PRDM1: variants seen among roughly 807,000 people sequenced by gnomAD.
The protein encoded by PRDM1 is PR domain zinc finger protein 1.
PRDM1 carries 13 observed loss-of-function variants against 62.8 expected under a neutral mutation model. The observed-to-expected ratio is 0.21, with a 90% CI of 0.13 to 0.33. The LOEUF is 0.33. PRDM1 is among the 10% of genes least tolerant of loss of function. The pLI is 1.00. For synonymous variants in PRDM1, 396 were observed against 417.6 expected, an observed-to-expected ratio of 0.95 and a Z score of 0.63; for missense variants, 895 against 1,058.8, an observed-to-expected ratio of 0.85 and a Z score of 2.15.
At chr6:106,044,098 T>G (rs146797893), upstream of PRDM1, among the ~76,000 whole-genome samples, 894 of 152,308 alleles carry the variant, frequency 5.9e-3, 13 homozygotes, top group African/African-American at 0.02. Context: ...TTAAAGTTAC[T>G]ACTGGCTTTA....
At chr6:106,094,391 A>G (rs1055079056) in intron 2 of PRDM1, among the ~76,000 whole-genome samples, 4 of 152,242 alleles carry the variant, frequency 2.6e-5, no homozygotes, top group African/African-American at 9.6e-5. Context: ...GACTACTCAC[A>G]GAGGAGTTCT....
chr6:106,020,675 A>T (rs77676351), intron 1 of PRDM1, among the ~76,000 whole-genome samples: 2,138 of 152,152 alleles, frequency 0.014, 59 homozygotes, highest in African/African-American at 0.047. Context: ...TTTTTCCCCT[A>T]TACTTCATGG....
chr6:106,079,807 A>G (rs1054130470), intron 1 of PRDM1, among the ~76,000 whole-genome samples: 1 of 152,206 alleles, frequency 6.6e-6, no homozygotes, highest in Admixed American at 6.5e-5. Context: ...CAAAACAAAC[A>G]AACAACAAAA....
At chr6:105,999,806 T>C (rs1027434076) in intron 1 of PRDM1, among the ~76,000 whole-genome samples, 11 of 152,096 alleles carry the variant, frequency 7.2e-5, no homozygotes, top group Admixed American at 2.0e-4. Flanking sequence ...AATTTCAGAG[T>C]ATTTTAAGTT....
chr6:106,048,663 A>G (rs1426894036), exon 1 of PRDM1, among the ~76,000 whole-genome samples: 2 of 152,166 alleles, frequency 1.3e-5, no homozygotes, highest in African/African-American at 2.4e-5. Context: ...TGGTCAGCAC[A>G]GGGTCTTATC....
chr6:106,076,564 G>A (rs1241906411), intron 1 of PRDM1, among the ~76,000 whole-genome samples: 1 of 152,070 alleles, frequency 6.6e-6, no homozygotes, highest in Non-Finnish European at 1.5e-5. Context: ...AAACTATGTA[G>A]CACTAGAAAA....
chr6:106,030,787 T>C (rs1407603609), intron 1 of PRDM1, among the ~76,000 whole-genome samples: 1 of 152,206 alleles, frequency 6.6e-6, no homozygotes, highest in Non-Finnish European at 1.5e-5. Context: ...AAAAAGACTT[T>C]CCATTCCCCC....
Position 106,105,014 on chromosome 6 carries a change from G to T in PRDM1, c.854G>T (p.Arg285Ile), listed in dbSNP as rs1160590241. 7 of 1,614,122 alleles carry T rather than the reference G, an allele frequency of 4.3e-6. No individual in the cohort carries two copies. The highest frequency in any genetic ancestry group is 5.9e-6 in the Non-Finnish European group (7 of 1,180,012). The change falls in exon 5 of 7, where the codon AGA becomes ATA. Residue 285 changes from arginine (R) to isoleucine (I), a missense_variant. By Grantham distance (97) the Arg-to-Ile change is moderately conservative (BLOSUM62 -3). Around this residue, in one of 4 missense-constraint regions of PRDM1, gnomAD observed 444 missense variants for 422.7 expected, o/e 1.05. Coordinates refer to ENST00000369096, the MANE Select transcript of PRDM1 (RefSeq NM_001198.4). ...TSEKDLDDFR[R>I]RGSPEMPFYP... Reference sequence around the variant, plus strand: ...GAAAAGGACCTCGATGACTTTAGAAGACGTGGGAGCCCCGAAATGCCCTTC... The same window carrying T: ...GAAAAGGACCTCGATGACTTTAGAATACGTGGGAGCCCCGAAATGCCCTTC...
intron 1 of PRDM1, among the ~76,000 whole-genome samples, chr6:106,036,881 A>G (rs1442821084): frequency 1.3e-5 from 2 of 152,114 alleles, no homozygotes; most frequent in Non-Finnish European, 2.9e-5. Flanking sequence ...TAGCACAATC[A>G]TAGCTCACTG....
chr6:106,107,412 T>C lies in PRDM1; in HGVS notation c.2404T>C (p.Leu802=). The stretch of plus-strand genomic sequence containing the variant: ...GTCATCAGATCTACCCCTCATGAAG[T>C]TGCCTCCCAGCAACCCACTACCTCT... ...YESSDLPLMK[L]PPSNPLPLVP... is the part of the protein sequence containing the mutation. Residue 802 remains leucine, a synonymous_variant, in exon 7 of 7, where the codon TTG becomes CTG. Transcript: ENST00000369096. 6.2e-7 allele frequency: 1 copy of C among 1,614,058 alleles called. No homozygotes were observed. Among genetic ancestry groups the C allele is most frequent in the South Asian group, 1.1e-5 (1 of 91,074 alleles).
chr6:106,095,495 T>G (rs1774089043), intron 2 of PRDM1, 120 bp from the exon 3 acceptor site: 1 of 1,150,210 alleles, frequency 8.7e-7, no homozygotes, highest in Non-Finnish European at 1.2e-6. Context: ...GTCTGTTTAC[T>G]TATCAAAATT....
At chr6:106,052,203 G>T (rs1349912680) in intron 1 of PRDM1, among the ~76,000 whole-genome samples, 1 of 10,066 alleles carries the variant, frequency 9.9e-5, no homozygotes, top group African/African-American at 4.2e-4. Flanking sequence ...CCACAATAAA[G>T]AAATATTCAA....
upstream of PRDM1, among the ~76,000 whole-genome samples, chr6:106,083,822 G>C (rs1292091447): frequency 6.6e-6 from 1 of 152,192 alleles, no homozygotes; most frequent in Non-Finnish European, 1.5e-5. Context: ...AACCCTTTGA[G>C]ACATAAGATT....
chr6:106,077,935 A>G (rs903921794), intron 1 of PRDM1, among the ~76,000 whole-genome samples: 2 of 152,256 alleles, frequency 1.3e-5, no homozygotes, highest in African/African-American at 4.8e-5. Context: ...CATTGAGTTA[A>G]GCAGTGAGGT....
At chr6:106,101,522 G>A (rs750553666) in intron 4 of PRDM1, among the ~76,000 whole-genome samples, 1 of 152,144 alleles carries the variant, frequency 6.6e-6, no homozygotes, top group Non-Finnish European at 1.5e-5. Context: ...TTTTCTAAAT[G>A]GTGGTTTAAC....
Position 106,106,607 on chromosome 6 carries a change from G to T in PRDM1, c.1902+108G>T. 2 of 1,468,694 alleles carry T rather than the reference G, an allele frequency of 1.4e-6. No homozygotes were observed. Among genetic ancestry groups the T allele is most frequent in the South Asian group, 1.3e-5 (1 of 78,436 alleles). 91.0% of individuals were successfully genotyped at this position (1,468,694 alleles called of 1,614,324 possible). Reference sequence around the variant, plus strand: ...AGTTAAAGCCAACACCAGATTCTGCGTTGTCCCATCCTGGACTGATGGCAC... The same window carrying T: ...AGTTAAAGCCAACACCAGATTCTGCTTTGTCCCATCCTGGACTGATGGCAC... On this transcript the variant is annotated intron_variant, in intron 6 of 6. Coordinates refer to ENST00000369096, the MANE Select transcript of PRDM1 (RefSeq NM_001198.4). The surrounding 1 kb of genome is among the most constrained non-coding windows in gnomAD (Gnocchi z 4.4).
intron 1 of PRDM1, among the ~76,000 whole-genome samples, chr6:106,024,835 T>A (rs2114562129): frequency 1.3e-5 from 2 of 152,232 alleles, no homozygotes; most frequent in East Asian, 3.9e-4. Flanking sequence ...TCCTTAGCCA[T>A]CAGATTTGAA....
upstream of PRDM1, among the ~76,000 whole-genome samples, chr6:106,083,617 G>A (rs1432619284): frequency 6.6e-6 from 1 of 152,122 alleles, no homozygotes; most frequent in South Asian, 2.1e-4. Context: ...TGCCATCCAC[G>A]GGAATAGATG....
At chr6:106,044,872 C>T (rs754197867), upstream of PRDM1, among the ~76,000 whole-genome samples, 2 of 152,088 alleles carry the variant, frequency 1.3e-5, no homozygotes, top group Non-Finnish European at 2.9e-5. Flanking sequence ...TGAGTTAATA[C>T]GTAGACACTT....
Sources: gnomAD v4.1 joint callset for allele counts (sites outside exome capture counted in the v4.1 genomes callset) on GRCh38, gnomAD v4.1.1 for gene constraint, gnomAD v4.1.1 regional missense constraint, Gnocchi (gnomAD v3.1) non-coding constraint, MANE v1.5 for transcripts, NCBI Gene and HGNC (gene_info 2026-07-23, HGNC 2026-07-21) for gene names.